HINT3: variants seen among roughly 807,000 people sequenced by gnomAD.
The protein encoded by HINT3 is adenosine 5'-monophosphoramidase HINT3.
Under a neutral mutation model 19.1 loss-of-function variants are expected in HINT3, and 16 were observed. The observed-to-expected ratio is 0.84, with a 90% CI of 0.57 to 1.27. HINT3 has a LOEUF of 1.27. Ranked by LOEUF, HINT3 falls within the 50% of genes most tolerant of loss-of-function variation. The pLI is 0.00. For missense variants in HINT3, 197 were observed against 225.8 expected (o/e 0.87, Z 0.82); for synonymous variants, 75 against 84.8 (o/e 0.88, Z 0.63).
In HINT3 at chr6:125,974,913, G is replaced by A. The variant is rs1451459903; in HGVS notation, c.456G>A (p.Val152=). The part of the protein sequence containing the change: ...SHLHLHVLAP[V]DQLGFLSKLV... ...TGCACCTTCATGTTCTGGCACCAGT[G>A]GATCAGCTTGGCTTCTTATCCAAGT... Residue 152 remains valine (V), a synonymous_variant, in exon 4 of 5, where the codon GTG becomes GTA. Transcript: ENST00000229633. The A allele has an allele frequency of 1.1e-5, 18 of 1,613,952 alleles. No homozygotes were observed. Among genetic ancestry groups the A allele is most frequent in the Non-Finnish European group, 1.4e-5 (17 of 1,179,864 alleles).
At chr6:125,961,496 C>T (rs572843517) in intron 1 of HINT3, among the ~76,000 whole-genome samples, 4 of 152,194 alleles carry the variant, frequency 2.6e-5, no homozygotes, top group Non-Finnish European at 5.9e-5. Context: ...TCTGACCGAC[C>T]AGCTTGAAGT....
At chr6:125,974,540 C>A (rs140284557) in intron 3 of HINT3, among the ~76,000 whole-genome samples, 247 of 152,200 alleles carry the variant, frequency 1.6e-3, no homozygotes, top group Middle Eastern at 6.8e-3. Context: ...TGAAAGCTTA[C>A]GATGATAAAG....
At position 125,977,772 on chromosome 6, in the gene HINT3, G is replaced by A; in HGVS notation, c.*96G>A. On this transcript the variant is annotated 3_prime_UTR_variant, in exon 5 of 5. Transcript: ENST00000229633. ...TAATTGCAATTTTAAGATTTGTTGG[G>A]TTTTATGAGAGGCTGTTACTTAGTG... The A allele has an allele frequency of 1.5e-6, 1 of 679,718 alleles. No individual in the cohort carries two copies. The highest frequency in any genetic ancestry group is 2.5e-6 in the Non-Finnish European group (1 of 405,888). The allele number at this position is 679,718 out of a possible 1,614,324, so 42.1% of individuals were successfully genotyped here.
chr6:125,979,182 A>G lies in HINT3; in HGVS notation c.*1506A>G, dbSNP rs1789215170. On this transcript the variant is annotated 3_prime_UTR_variant, in exon 5 of 5. Transcript: ENST00000229633. ...CTGCTTCCACTATTATTTACTTTAC[A>G]ATGGATATGAAGTTCAGATTTCATC... 6.6e-6 allele frequency: 1 copy of G among 152,174 alleles called. No individual in the cohort carries two copies. The highest frequency in any genetic ancestry group is 1.5e-5 in the Non-Finnish European group (1 of 68,030). The allele number at this position is 152,174 out of a possible 1,614,324, so 9.4% of individuals were successfully genotyped here.
intron 4 of HINT3, among the ~76,000 whole-genome samples, chr6:125,976,746 CTTTG>C (rs533331694): frequency 3.1e-3 from 474 of 151,686 alleles, no homozygotes; most frequent in African/African-American, 0.011. Flanking sequence ...TTAAATCTGA[CTTTG>C]TTAGCGTATC....
chr6:125,962,149 C>CATATATATATACATAT lies in HINT3; in HGVS notation c.202-4725_202-4724insTATATATATATATACA, dbSNP rs1439269897. ...AAGCCAGGAATCGTGGATGGAAACC[C>CATATATATATACATAT]ATATATATATACACATATATATATA... is the stretch of plus-strand genomic sequence containing the variant. On this transcript the variant is annotated intron_variant, in intron 1 of 4. Transcript: ENST00000229633. Among the ~76,000 whole-genome samples, 87 of 38,678 alleles carry CATATATATATACATAT rather than the reference C, an allele frequency of 2.2e-3. 22 individuals carry two copies. In the East Asian group the frequency reaches 0.12, roughly 56 times the overall value. 25.4% of individuals were successfully genotyped at this position (38,678 alleles called of 152,430 possible).
At chr6:125,959,098 G>A (rs1014324118) in intron 1 of HINT3, among the ~76,000 whole-genome samples, 1 of 152,172 alleles carries the variant, frequency 6.6e-6, no homozygotes, top group Non-Finnish European at 1.5e-5. Flanking sequence ...GGAGTTTGAG[G>A]TGAGTTTGAG....
At chr6:125,961,301 G>T (rs1301410327) in intron 1 of HINT3, among the ~76,000 whole-genome samples, 1 of 152,156 alleles carries the variant, frequency 6.6e-6, no homozygotes, top group African/African-American at 2.4e-5. Flanking sequence ...GTGACCAAAT[G>T]TATGGAGGTT....
Position 125,977,665 on chromosome 6 carries a change from C to A in HINT3, c.538C>A (p.Leu180Ile). Residue 180 changes from leucine to isoleucine, a missense_variant, in exon 5 of 5, where the codon CTA becomes ATA. By Grantham distance (5) the Leu-to-Ile change is conservative (BLOSUM62 2). Transcript: ENST00000229633. ...FITADHLIEKLRT is the reference protein window; with the variant it reads ...FITADHLIEKIRT Reference sequence around the variant, plus strand: ...ACAGGCTGATCACTTGATTGAAAAACTAAGAACATGAAAATGTCAAGAGTG... The same window carrying A: ...ACAGGCTGATCACTTGATTGAAAAAATAAGAACATGAAAATGTCAAGAGTG... The A allele has an allele frequency of 6.6e-7, 1 of 1,518,426 alleles. No individual in the cohort carries two copies. Among genetic ancestry groups the A allele is most frequent in the Non-Finnish European group, 9.0e-7 (1 of 1,116,876 alleles). 94.1% of individuals were successfully genotyped at this position (1,518,426 alleles called of 1,614,324 possible).
At position 125,966,898 on chromosome 6, in the gene HINT3, A is replaced by C; in HGVS notation, c.213A>C (p.Leu71=). 1 of 1,608,450 alleles carries C rather than the reference A, an allele frequency of 6.2e-7. No individual in the cohort carries two copies. Among genetic ancestry groups the C allele is most frequent in the South Asian group, 1.1e-5 (1 of 90,292 alleles). The change falls in exon 2 of 5, where the codon CTA becomes CTC. Residue 71 remains leucine, a synonymous_variant. Transcript: ENST00000229633. ...TELLHCENED[L]ICFKDIKPAA... is the part of the protein sequence containing the mutation. ...GTTTTTTCCTTTAGAATGAGGACCT[A>C]ATTTGCTTCAAAGATATCAAACCAG...
At position 125,979,852 on chromosome 6, in the gene HINT3, T is replaced by C. The variant is rs1032520206; in HGVS notation, c.*2176T>C. On this transcript the variant is annotated 3_prime_UTR_variant, in exon 5 of 5. Coordinates refer to ENST00000229633, the MANE Select transcript of HINT3 (RefSeq NM_138571.5). ...GGTTAGCCAATTGATTCAACTTTTA[T>C]AGGTTTATATGCTCTCATGTAAACC... The C allele has an allele frequency of 1.3e-5, 2 of 152,252 alleles. No homozygotes were observed. Among genetic ancestry groups the C allele is most frequent in the Non-Finnish European group, 2.9e-5 (2 of 68,068 alleles). 9.4% of individuals were successfully genotyped at this position (152,252 alleles called of 1,614,324 possible). A position where few individuals can be genotyped will look rare whatever the true frequency, so the allele number is the denominator to read the frequency against.
chr6:125,957,636 G>A (rs1455467096), intron 1 of HINT3, among the ~76,000 whole-genome samples: 1 of 152,214 alleles, frequency 6.6e-6, no homozygotes, highest in Admixed American at 6.5e-5. Context: ...AATAGGTAAT[G>A]ATAATTGTGG....
chr6:125,973,359 G>T (rs1448243104), intron 3 of HINT3, among the ~76,000 whole-genome samples: 1 of 152,074 alleles, frequency 6.6e-6, no homozygotes. Context: ...GATTACAGGC[G>T]TGAGCCACTG....
intron 1 of HINT3, among the ~76,000 whole-genome samples, chr6:125,960,135 T>A (rs1788896961): frequency 6.6e-6 from 1 of 152,198 alleles, no homozygotes; most frequent in African/African-American, 2.4e-5. Context: ...TTGAAGTAGC[T>A]CCTGTGAAGG....
chr6:125,966,499 A>G (rs532891122), intron 1 of HINT3, among the ~76,000 whole-genome samples: 29 of 152,350 alleles, frequency 1.9e-4, no homozygotes, highest in South Asian at 1.0e-3. Flanking sequence ...AATTAAATGT[A>G]GAAAGGAATT....
chr6:125,959,888 A>G (rs1360792718), intron 1 of HINT3, among the ~76,000 whole-genome samples: 2 of 152,352 alleles, frequency 1.3e-5, no homozygotes, highest in South Asian at 4.1e-4. Flanking sequence ...GCCGTAAACA[A>G]AACATGCAAA....
intron 1 of HINT3, among the ~76,000 whole-genome samples, chr6:125,962,312 CATATAT>C (rs766700449): frequency 0.37 from 16,382 of 43,756 alleles, 3,532 homozygotes; most frequent in East Asian, 0.53. Flanking sequence ...ATATATCACA[CATATAT>C]ATATATATAT....
At chr6:125,962,412 C>G (rs766228974) in intron 1 of HINT3, among the ~76,000 whole-genome samples, 1 of 149,882 alleles carries the variant, frequency 6.7e-6, no homozygotes, top group Non-Finnish European at 1.5e-5. Flanking sequence ...GTATCTTTTT[C>G]AAATTGAATC....
Position 125,956,821 on chromosome 6 carries a change from C to T in HINT3, c.-157C>T, listed in dbSNP as rs1164164122. On this transcript the variant is annotated 5_prime_UTR_variant, in exon 1 of 5. Transcript: ENST00000229633. Reference sequence around the variant, plus strand: ...GGCCTCCGGCTTTGAAGTTCCTCACCGCGTCTCCTTCCCTCTCCCCAAAGC... The same window carrying T: ...GGCCTCCGGCTTTGAAGTTCCTCACTGCGTCTCCTTCCCTCTCCCCAAAGC... 1.1e-5 allele frequency: 9 copies of T among 783,232 alleles called. No homozygotes were observed. The highest frequency in any genetic ancestry group is 2.9e-5 in the Admixed American group (1 of 34,264). The allele number at this position is 783,232 out of a possible 1,614,324, so 48.5% of individuals were successfully genotyped here. A position where few individuals can be genotyped will look rare whatever the true frequency, so the allele number is the denominator to read the frequency against.
Sources: allele counts gnomAD v4.1 joint callset (sites outside exome capture counted in the v4.1 genomes callset), GRCh38; gene constraint gnomAD v4.1.1; transcripts MANE v1.5; gene names NCBI Gene and HGNC (gene_info 2026-07-23, HGNC 2026-07-21).